Variants in DSCAM observed in about 807,000 individuals in gnomAD.
The protein encoded by DSCAM is DS cell adhesion molecule, also known as cell adhesion molecule DSCAM.
A neutral mutation model predicts 217.7 loss-of-function variants in DSCAM; 47 were observed. That is an observed-to-expected ratio of 0.22 (90% confidence interval 0.17 to 0.28). The LOEUF (loss-of-function observed/expected upper bound fraction) is 0.28, where lower values mean the gene tolerates loss of function less well. Among genes scored for constraint, DSCAM ranks in the 10% least tolerant of loss-of-function variants. The pLI, the probability that DSCAM is intolerant of heterozygous loss-of-function variation, is 1.00. For synonymous variants in DSCAM, 1,056 were observed against 1,015.3 expected (o/e 1.04, Z -0.76); for missense variants, 2,080 against 2,618.3 (o/e 0.79, Z 4.49).
chr21:40,226,938 ACT>A (rs1228775971), intron 11 of DSCAM, among the ~76,000 whole-genome samples: 2 of 151,746 alleles, frequency 1.3e-5, no homozygotes, highest in Non-Finnish European at 2.9e-5. Flanking sequence ...GTGTCTTGTT[ACT>A]CTCTCTGTGT....
intron 3 of DSCAM, among the ~76,000 whole-genome samples, chr21:40,404,074 C>T (rs1397263198): frequency 6.6e-6 from 1 of 152,028 alleles, no homozygotes; most frequent in African/African-American, 2.4e-5. Context: ...CTGCTGTGTC[C>T]CTTGCTGACT....
intron 11 of DSCAM, among the ~76,000 whole-genome samples, chr21:40,189,514 C>T (rs1414850508): frequency 6.6e-6 from 1 of 152,174 alleles, no homozygotes; most frequent in Non-Finnish European, 1.5e-5. Context: ...TGTCCCTTAG[C>T]ACACCCAGAA....
intron 2 of DSCAM, among the ~76,000 whole-genome samples, chr21:40,700,275 A>G (rs1392463754): frequency 1.3e-4 from 20 of 152,198 alleles, no homozygotes; most frequent in Admixed American, 1.2e-3. Context: ...ATTGTTCTTC[A>G]TTTGGGGGTG....
rs560176900 is a variant in DSCAM at position 40,164,013 on chromosome 21, C to T, written c.3018+3205G>A. On this transcript the variant is annotated intron_variant, in intron 16 of 32. Coordinates refer to ENST00000400454, the MANE Select transcript of DSCAM (RefSeq NM_001389.5). ...TACACTCACCTCTCCTTCACTTACCCATTCATTCATTCATGGAACACATGC... is the reference window on the plus strand; with the variant it reads ...TACACTCACCTCTCCTTCACTTACCTATTCATTCATTCATGGAACACATGC... 2.6e-5 allele frequency among the ~76,000 whole-genome samples: 4 copies of T among 152,280 alleles called. No individual in the cohort carries two copies. The South Asian group carries it at 8.3e-4, about 32-fold the overall frequency.
At chr21:40,066,511 C>G (rs114700369) in intron 27 of DSCAM, among the ~76,000 whole-genome samples, 1 of 152,242 alleles carries the variant, frequency 6.6e-6, no homozygotes, top group East Asian at 1.9e-4. Flanking sequence ...TTTTATTTCT[C>G]TATAAAATGA....
intron 3 of DSCAM, among the ~76,000 whole-genome samples, chr21:40,499,291 A>C (rs2076153643): frequency 6.6e-6 from 1 of 152,218 alleles, no homozygotes; most frequent in Non-Finnish European, 1.5e-5. Flanking sequence ...TAGCTCAACA[A>C]TACAAGTGAT....
chr21:40,614,703 G>A (rs1346107817), intron 3 of DSCAM, among the ~76,000 whole-genome samples: 10 of 152,128 alleles, frequency 6.6e-5, no homozygotes, highest in Admixed American at 6.5e-5. Flanking sequence ...GTCCAGTAAC[G>A]GAAGTGCTGA....
chr21:40,142,611 T>C lies in DSCAM; in HGVS notation c.3353A>G (p.Asn1118Ser), dbSNP rs1601377294. Residue 1118 changes from asparagine to serine, a missense_variant, in exon 18 of 33, where the codon AAT becomes AGT. Coordinates refer to ENST00000400454, the MANE Select transcript of DSCAM (RefSeq NM_001389.5). ...SWSTLSKEALNGILQGFRVIY... is the reference protein window; with the variant it reads ...SWSTLSKEALSGILQGFRVIY... ...GACTCTGAACCCCTGGAGAATTCCA[T>C]TCAAGGCTTCCTTGGAAAGTGTGGA... is the stretch of plus-strand genomic sequence containing the variant. The C allele has an allele frequency of 6.2e-7, 1 of 1,614,160 alleles. No homozygotes were observed. Among genetic ancestry groups the C allele is most frequent in the Non-Finnish European group, 8.5e-7 (1 of 1,180,026 alleles).
intron 11 of DSCAM, among the ~76,000 whole-genome samples, chr21:40,256,737 C>A (rs760395905): frequency 1.3e-5 from 2 of 152,142 alleles, no homozygotes; most frequent in Non-Finnish European, 2.9e-5. Flanking sequence ...TAAGAAATAC[C>A]TTCACAGCGA....
At chr21:40,586,419 A>G (rs1321292520) in intron 3 of DSCAM, among the ~76,000 whole-genome samples, 1 of 152,240 alleles carries the variant, frequency 6.6e-6, no homozygotes, top group Admixed American at 6.5e-5. Context: ...GACAGAGTTG[A>G]TTAAGGAAAA....
intron 3 of DSCAM, among the ~76,000 whole-genome samples, chr21:40,454,701 G>A (rs555469280): frequency 6.6e-6 from 1 of 152,302 alleles, no homozygotes; most frequent in African/African-American, 2.4e-5. Context: ...GCCACAAGAA[G>A]GTCTCTGCAG....
At chr21:40,124,678 A>G (rs430255) in intron 19 of DSCAM, among the ~76,000 whole-genome samples, 107,159 of 151,994 alleles carry the variant, frequency 0.71, 39,618 homozygotes, top group South Asian at 0.86. Flanking sequence ...AGAAGAGGGC[A>G]TCTATAAGCC....
intron 5 of DSCAM, among the ~76,000 whole-genome samples, chr21:40,350,385 T>G (rs1305658403): frequency 6.6e-6 from 1 of 151,974 alleles, no homozygotes; most frequent in East Asian, 1.9e-4. Flanking sequence ...TTGCAATCTA[T>G]CCATCTGACT....
intron 10 of DSCAM, among the ~76,000 whole-genome samples, chr21:40,287,352 T>G (rs1569042856): frequency 1.3e-5 from 2 of 152,230 alleles, no homozygotes. Context: ...TTAACCTGCT[T>G]GAGGGACTTA....
intron 20 of DSCAM, among the ~76,000 whole-genome samples, chr21:40,102,157 C>T (rs1351594428): frequency 6.6e-6 from 1 of 152,066 alleles, no homozygotes; most frequent in Non-Finnish European, 1.5e-5. Flanking sequence ...GATATAAACT[C>T]GTTTGAACCT....
chr21:40,469,958 A>G (rs544353612), intron 3 of DSCAM, among the ~76,000 whole-genome samples: 154 of 152,346 alleles, frequency 1.0e-3, no homozygotes, highest in African/African-American at 3.6e-3. Flanking sequence ...ATGTAATCCC[A>G]TATATTTTCA....
intron 3 of DSCAM, among the ~76,000 whole-genome samples, chr21:40,437,868 AAAG>A (rs2075597625): frequency 2.6e-5 from 4 of 152,152 alleles, no homozygotes; most frequent in South Asian, 2.1e-4. Flanking sequence ...CAAAAGAAAA[AAAG>A]AAGAAGAGCC....
At chr21:40,059,343 G>C (rs2089078289) in intron 28 of DSCAM, among the ~76,000 whole-genome samples, 1 of 152,102 alleles carries the variant, frequency 6.6e-6, no homozygotes, top group Non-Finnish European at 1.5e-5. Flanking sequence ...CTCTTAGAAG[G>C]CTGTTTTTTA....
chr21:40,844,325 C>T (rs2092127155), intron 1 of DSCAM, among the ~76,000 whole-genome samples: 1 of 152,094 alleles, frequency 6.6e-6, no homozygotes, highest in Non-Finnish European at 1.5e-5. Context: ...ATTTCCCCTC[C>T]CCCCTTCAAA....
Sources: allele counts gnomAD v4.1 joint callset (sites outside exome capture counted in the v4.1 genomes callset), GRCh38; gene constraint gnomAD v4.1.1; transcripts MANE v1.5; gene names NCBI Gene and HGNC (gene_info 2026-07-23, HGNC 2026-07-21).